BLNK: variants seen among roughly 807,000 people sequenced by gnomAD.
BLNK encodes B cell linker.
Under a neutral mutation model 73.5 loss-of-function variants are expected in BLNK, and 29 were observed. The ratio of observed to expected loss-of-function variants is 0.39; its 90% confidence interval spans 0.29 to 0.54. BLNK has a LOEUF of 0.54. Ranked by LOEUF, BLNK falls within the 20% of genes least tolerant of loss-of-function variation. The probability of loss-of-function intolerance (pLI) is 0.61; values close to 1 mark genes in which losing one functional copy is unlikely to be tolerated. For synonymous variants in BLNK, 176 were observed against 200.8 expected (o/e 0.88, Z 1.04); for missense variants, 460 against 562.8 (o/e 0.82, Z 1.85).
chr10:96,263,440 A>G (rs376270005), intron 1 of BLNK, among the ~76,000 whole-genome samples: 58 of 152,230 alleles, frequency 3.8e-4, no homozygotes, highest in African/African-American at 1.4e-3. Context: ...AACAGTCACC[A>G]CATGTCCCTC....
intron 1 of BLNK, among the ~76,000 whole-genome samples, chr10:96,256,450 TG>T (rs1335985124): frequency 1.3e-5 from 2 of 152,234 alleles, no homozygotes; most frequent in Non-Finnish European, 2.9e-5. Flanking sequence ...ATTCTCTAGT[TG>T]ACTTCCTCCT....
intron 1 of BLNK, among the ~76,000 whole-genome samples, chr10:96,260,704 A>C (rs1459093270): frequency 1.3e-5 from 2 of 152,200 alleles, no homozygotes; most frequent in African/African-American, 4.8e-5. Context: ...TGACCCAGTT[A>C]AATTCTTCTT....
chr10:96,242,268 A>G (rs1216455732), intron 3 of BLNK, among the ~76,000 whole-genome samples: 1 of 152,202 alleles, frequency 6.6e-6, no homozygotes, highest in Non-Finnish European at 1.5e-5. Flanking sequence ...CATGTAAGAC[A>G]TGCCTTTTGC....
chr10:96,193,061 C>T (rs11188658), intron 16 of BLNK, among the ~76,000 whole-genome samples: 4,677 of 152,112 alleles, frequency 0.031, 242 homozygotes, highest in East Asian at 0.17. Context: ...GAATATTGGC[C>T]AACATTTCCA....
rs781915833 is a variant in BLNK at position 96,271,486 on chromosome 10, C to T, written c.-88G>A. The T allele has an allele frequency of 5.0e-6, 7 of 1,409,364 alleles. No homozygotes were observed. The highest frequency in any genetic ancestry group is 1.9e-4 in the Middle Eastern group (1 of 5,332). 87.3% of individuals were successfully genotyped at this position (1,409,364 alleles called of 1,614,324 possible). ...CCTCCTAGGGAGCAGCATGGTAAGC[C>T]TCTGGTCTCAAGGGTTCCGGCCACT... On this transcript the variant is annotated 5_prime_UTR_variant, in exon 1 of 17. Transcript: ENST00000224337.
intron 2 of BLNK, among the ~76,000 whole-genome samples, chr10:96,244,150 A>G (rs782624334): frequency 3.9e-4 from 59 of 152,286 alleles, no homozygotes; most frequent in Non-Finnish European, 6.6e-4. Flanking sequence ...ATTTCATTCA[A>G]TTCTCCTCAC....
At chr10:96,253,893 C>T (rs1009142778) in intron 1 of BLNK, among the ~76,000 whole-genome samples, 6 of 151,780 alleles carry the variant, frequency 4.0e-5, no homozygotes, top group East Asian at 1.9e-4. Context: ...TGGTGGCGGG[C>T]GCCTGTAGTC....
intron 3 of BLNK, among the ~76,000 whole-genome samples, chr10:96,232,825 T>G (rs1243515146): frequency 2.0e-5 from 3 of 151,770 alleles, no homozygotes; most frequent in Admixed American, 2.0e-4. Context: ...GTCTTTTTTT[T>G]TTTTTTTGAG....
chr10:96,220,201 AG>A (rs2084163581), intron 6 of BLNK, among the ~76,000 whole-genome samples: 1 of 152,034 alleles, frequency 6.6e-6, no homozygotes, highest in Non-Finnish European at 1.5e-5. Flanking sequence ...GTCTTGCAAG[AG>A]AGAGAGAGAT....
intron 11 of BLNK, among the ~76,000 whole-genome samples, chr10:96,206,201 A>C (rs976057738): frequency 1.3e-5 from 2 of 152,226 alleles, no homozygotes; most frequent in Non-Finnish European, 2.9e-5. Flanking sequence ...AGATATACGC[A>C]CATCAACTCA....
chr10:96,254,236 A>C (rs1034185347), intron 1 of BLNK, among the ~76,000 whole-genome samples: 2 of 152,170 alleles, frequency 1.3e-5, no homozygotes, highest in Non-Finnish European at 2.9e-5. Context: ...TTACCCAGGC[A>C]TTCTCCCCAG....
intron 8 of BLNK, 59 bp from the exon 9 acceptor site, chr10:96,209,966 A>C: frequency 1.9e-6 from 3 of 1,577,298 alleles, no homozygotes; most frequent in Non-Finnish European, 2.6e-6. Flanking sequence ...TGATGCTCAC[A>C]CTGAGGCTGG....
intron 16 of BLNK, among the ~76,000 whole-genome samples, chr10:96,195,648 G>A (rs1306441433): frequency 6.6e-6 from 1 of 152,194 alleles, no homozygotes; most frequent in African/African-American, 2.4e-5. Flanking sequence ...AGGGGCTGAA[G>A]GGAGGGGGAA....
At chr10:96,255,472 T>G (rs1843470198) in intron 1 of BLNK, among the ~76,000 whole-genome samples, 1 of 151,880 alleles carries the variant, frequency 6.6e-6, no homozygotes, top group Admixed American at 6.6e-5. Context: ...CAGAGGACAA[T>G]GATAGGCAGG....
At position 96,191,988 on chromosome 10, in the gene BLNK, T is replaced by A; in HGVS notation, c.1356A>T (p.Ala452=). The A allele has an allele frequency of 6.2e-7, 1 of 1,613,778 alleles. No individual in the cohort carries two copies. The highest frequency in any genetic ancestry group is 8.5e-7 in the Non-Finnish European group (1 of 1,179,770). The part of the protein sequence containing the change: ...NTKDSTRLKY[A]VKVS ...TTTTCCCCCTTTATGAAACTTTAAC[T>A]GCATACTTCAGTCTGGTGGAATCTT... is the stretch of plus-strand genomic sequence containing the variant. Residue 452 remains alanine (A), a synonymous_variant, in exon 17 of 17, where the codon GCA becomes GCT. Coordinates refer to ENST00000224337, the MANE Select transcript of BLNK (RefSeq NM_013314.4).
Position 96,197,002 on chromosome 10 carries a change from A to G in BLNK, c.1157T>C (p.Val386Ala). 1 of 1,612,866 alleles carries G rather than the reference A, an allele frequency of 6.2e-7. No homozygotes were observed. The highest frequency in any genetic ancestry group is 8.5e-7 in the Non-Finnish European group (1 of 1,179,144). Residue 386 changes from valine (V) to alanine (A), a missense_variant, in exon 16 of 17, where the codon GTT (valine) becomes GCT (alanine). By Grantham distance (64) the Val-to-Ala change is moderately conservative (BLOSUM62 0). Around this residue, in one of 3 missense-constraint regions of BLNK, gnomAD observed 88 missense variants for 143.4 expected, o/e 0.61. Coordinates refer to ENST00000224337, the MANE Select transcript of BLNK (RefSeq NM_013314.4). ...GHDSKQPYTL[V>A]VFFNKRVYNI... ...ATATACTCGCTTATTAAAGAATACA[A>G]CTAGTGTATATGGTTGTTTGGAATC...
At chr10:96,223,728 G>A (rs587654870) in intron 6 of BLNK, 98 bp downstream of exon 6, 1 of 1,434,058 alleles carries the variant, frequency 7.0e-7, no homozygotes, top group East Asian at 2.3e-5. Context: ...TCAATAGCAG[G>A]TTGTAAAGAA....
chr10:96,243,512 A>G (rs1842941061), intron 2 of BLNK, among the ~76,000 whole-genome samples: 2 of 152,150 alleles, frequency 1.3e-5, no homozygotes, highest in African/African-American at 4.8e-5. Context: ...ACGCCCCTGT[A>G]CTCCAGCTTG....
chr10:96,263,301 C>T lies in BLNK; in HGVS notation c.47+8051G>A, dbSNP rs565240324. Among the ~76,000 whole-genome samples, 221 of 152,312 alleles carry T rather than the reference C, an allele frequency of 1.5e-3. 1 individual carries two copies. The highest frequency in any genetic ancestry group is 2.7e-3 in the South Asian group (13 of 4,830). On this transcript the variant is annotated intron_variant, in intron 1 of 16. Coordinates refer to ENST00000224337, the MANE Select transcript of BLNK (RefSeq NM_013314.4). ...GCTAGGGACCTGTGCTGCGTGTTCCCTACAATGTGTGAAGGAAGGGAATCT... is the reference window on the plus strand; with the variant it reads ...GCTAGGGACCTGTGCTGCGTGTTCCTTACAATGTGTGAAGGAAGGGAATCT...
Sources: gnomAD v4.1 joint callset for allele counts (sites outside exome capture counted in the v4.1 genomes callset) on GRCh38, gnomAD v4.1.1 for gene constraint, gnomAD v4.1.1 regional missense constraint, MANE v1.5 for transcripts, NCBI Gene and HGNC (gene_info 2026-07-23, HGNC 2026-07-21) for gene names.